UTP15: variants seen among roughly 807,000 people sequenced by gnomAD.
UTP15 encodes U3 small nucleolar RNA-associated protein 15 homolog.
A neutral mutation model predicts 59.1 loss-of-function variants in UTP15; 5 were observed. That is an observed-to-expected ratio of 0.08 (90% CI 0.04 to 0.18). The LOEUF (loss-of-function observed/expected upper bound fraction) is 0.18. Ranked by LOEUF, UTP15 falls within the 10% of genes least tolerant of loss-of-function variation. The probability of loss-of-function intolerance (pLI) is 1.00; values close to 1 mark genes in which losing one functional copy is unlikely to be tolerated. For synonymous variants in UTP15, 211 were observed against 212.2 expected (o/e 0.99, Z 0.05); for missense variants, 494 against 616.7 (o/e 0.80, Z 2.11).
At chr5:73,573,945 T>C (rs1163340982) in intron 7 of UTP15, among the ~76,000 whole-genome samples, 2 of 152,050 alleles carry the variant, frequency 1.3e-5, no homozygotes, top group Non-Finnish European at 2.9e-5. Flanking sequence ...ACATATAAAA[T>C]ATAATTTCAG....
At chr5:73,567,938 A>T (rs1463087525) in intron 2 of UTP15, among the ~76,000 whole-genome samples, 1 of 152,194 alleles carries the variant, frequency 6.6e-6, no homozygotes, top group African/African-American at 2.4e-5. Flanking sequence ...GTACGTGGTT[A>T]TTGTATGCTG....
chr5:73,580,088 A>G lies in UTP15; in HGVS notation c.1551A>G (p.Glu517=), dbSNP rs749346008. 1 of 1,612,724 alleles carries G rather than the reference A, an allele frequency of 6.2e-7. No individual in the cohort carries two copies. Among genetic ancestry groups the G allele is most frequent in the African/African-American group, 1.3e-5 (1 of 74,976 alleles). The change falls in exon 13 of 13, where the codon GAA becomes GAG. Residue 517 remains glutamate, a synonymous_variant. Coordinates refer to ENST00000296792, the MANE Select transcript of UTP15 (RefSeq NM_032175.4). The part of the protein sequence containing the change: ...SDGFPENKKI[E]S ...GATTTCCAGAGAATAAGAAGATAGA[A>G]TCATAGTGTCTGCTAAATAAGACAT...
At chr5:73,566,977 T>G (rs1250842913) in intron 1 of UTP15, among the ~76,000 whole-genome samples, 1 of 152,224 alleles carries the variant, frequency 6.6e-6, no homozygotes, top group African/African-American at 2.4e-5. Context: ...AGCATGATCC[T>G]TTTTGGTTTG....
In UTP15 at chr5:73,568,517, T is replaced by C; in HGVS notation, c.281T>C (p.Leu94Ser). The C allele has an allele frequency of 6.2e-7, 1 of 1,614,152 alleles. No individual in the cohort carries two copies. The highest frequency in any genetic ancestry group is 8.5e-7 in the Non-Finnish European group (1 of 1,179,992). Residue 94 changes from leucine (L) to serine (S), a missense_variant, in exon 4 of 13, where the codon TTG becomes TCG. Physicochemically the swap from Leu to Ser is moderately radical, Grantham distance 145 (BLOSUM62 -2). Transcript: ENST00000296792. Reference sequence around the variant, plus strand: ...GCTACTTTTCGACAAGATGGTAGATTGCTTGTGGCTGGCAGTGAAGATGGT... The same window carrying C: ...GCTACTTTTCGACAAGATGGTAGATCGCTTGTGGCTGGCAGTGAAGATGGT... ...YCATFRQDGR[L>S]LVAGSEDGGV... is the part of the protein sequence containing the mutation.
rs1223250851 is a variant in UTP15, at chr5:73,578,767, A to G, written c.1061A>G (p.Asn354Ser). ...TCATTGCAGGATGACATTTTGATTA[A>G]CAGGCCAGCAAAGAAGCACCTAGAA... ...YMKQRDDILI[N>S]RPAKKHLELY... The change falls in exon 10 of 13, where the codon AAC becomes AGC. Residue 354 changes from asparagine (N) to serine (S), a missense_variant. By Grantham distance (46) the Asn-to-Ser change is conservative. Transcript: ENST00000296792. The G allele has an allele frequency of 1.2e-6, 2 of 1,613,846 alleles. No homozygotes were observed. Among genetic ancestry groups the G allele is most frequent in the Non-Finnish European group, 1.7e-6 (2 of 1,179,774 alleles).
intron 4 of UTP15, among the ~76,000 whole-genome samples, 171 bp from the exon 5 acceptor site, chr5:73,569,326 T>A (rs1747868799): frequency 6.6e-6 from 1 of 152,192 alleles, no homozygotes; most frequent in South Asian, 2.1e-4. Context: ...CTTAATTGGT[T>A]TGGGGGCAAA....
intron 1 of UTP15, among the ~76,000 whole-genome samples, chr5:73,566,364 C>G: frequency 6.6e-6 from 1 of 152,316 alleles, no homozygotes; most frequent in East Asian, 1.9e-4. Flanking sequence ...AGGCACAGAC[C>G]ATGTCTTTAT....
Position 73,569,657 on chromosome 5 carries a change from C to T in UTP15, c.529C>T (p.Pro177Ser), listed in dbSNP as rs1394156971. 6.2e-7 allele frequency: 1 copy of T among 1,609,428 alleles called. No homozygotes were observed. The highest frequency in any genetic ancestry group is 2.2e-5 in the East Asian group (1 of 44,586). ...GTGTGGATGTGCTAGCAAACTTAAT[C>T]CGGATCTCTTTATAACAGGTTGGTG... ...VRCGCASKLN[P>S]DLFITGSYDH... Residue 177 changes from proline (P) to serine (S), a missense_variant, in exon 5 of 13, where the codon CCG becomes TCG. Physicochemically the swap from Pro to Ser is moderately conservative, Grantham distance 74. Coordinates refer to ENST00000296792, the MANE Select transcript of UTP15 (RefSeq NM_032175.4).
In UTP15 at chr5:73,568,453, A is replaced by G. The variant is rs1561275360; in HGVS notation, c.217A>G (p.Ile73Val). The change falls in exon 4 of 13, where the codon ATA (isoleucine) becomes GTA (valine). Residue 73 changes from isoleucine to valine, a missense_variant. Transcript: ENST00000296792. ...HIYGRYSQEP[I>V]KTFSRFKDTA... is the part of the protein sequence containing the mutation. ...TTATGGCCGATACTCCCAAGAACCT[A>G]TAAAAACCTTTTCTCGATTTAAAGA... 1.2e-6 allele frequency: 2 copies of G among 1,613,468 alleles called. No homozygotes were observed. The highest frequency in any genetic ancestry group is 1.7e-6 in the Non-Finnish European group (2 of 1,179,738).
intron 2 of UTP15, 145 bp from the exon 3 acceptor site, chr5:73,568,090 T>C (rs925349121): frequency 1.7e-6 from 1 of 598,280 alleles, no homozygotes; most frequent in African/African-American, 1.9e-5. Flanking sequence ...TATGTACCTT[T>C]TTTGCTTTCT....
intron 9 of UTP15, 119 bp downstream of exon 9, chr5:73,578,124 A>G (rs980791099): frequency 2.6e-5 from 27 of 1,038,332 alleles, no homozygotes; most frequent in Non-Finnish European, 3.1e-5. Flanking sequence ...TTTTCTCTAC[A>G]TCAGAATTAT....
In UTP15 at chr5:73,583,331, A is replaced by C. The variant is rs1748376897; in HGVS notation, c.*3237A>C. On this transcript the variant is annotated 3_prime_UTR_variant, in exon 13 of 13. Coordinates refer to ENST00000296792, the MANE Select transcript of UTP15 (RefSeq NM_032175.4). ...TTTGTAGAGAATGAACAAGAATGAA[A>C]CCTAAGTGCAAAGAAAATAAAGATT... is the stretch of plus-strand genomic sequence containing the variant. The C allele has an allele frequency of 6.6e-6, 1 of 152,178 alleles. No homozygotes were observed. The highest frequency in any genetic ancestry group is 2.4e-5 in the African/African-American group (1 of 41,442). The allele number at this position is 152,178 out of a possible 1,614,324, so 9.4% of individuals were successfully genotyped here. A position where few individuals can be genotyped will look rare whatever the true frequency, so the allele number is the denominator to read the frequency against.
intron 6 of UTP15, 119 bp downstream of exon 6, chr5:73,570,830 A>T (rs1747910997): frequency 7.2e-7 from 1 of 1,398,002 alleles, no homozygotes; most frequent in African/African-American, 1.4e-5. Context: ...GTCTTTGTTC[A>T]AACAGTTGAT....
chr5:73,570,543 G>A (rs768460403), intron 5 of UTP15, 43 bp from the exon 6 acceptor site: 1 of 1,600,596 alleles, frequency 6.2e-7, no homozygotes, highest in South Asian at 1.1e-5. Context: ...AGTTTTTGTT[G>A]TTTTAAACAG....
Position 73,579,018 on chromosome 5 carries a change from C to T in UTP15, c.1148C>T (p.Pro383Leu). The T allele has an allele frequency of 1.2e-6, 2 of 1,606,254 alleles. No individual in the cohort carries two copies. Among genetic ancestry groups the T allele is most frequent in the Non-Finnish European group, 1.7e-6 (2 of 1,175,300 alleles). The change falls in exon 11 of 13, where the codon CCC becomes CTC. Residue 383 changes from proline to leucine, a missense_variant and splice_region_variant. Physicochemically the swap from Pro to Leu is moderately conservative, Grantham distance 98 (BLOSUM62 -3). Coordinates refer to ENST00000296792, the MANE Select transcript of UTP15 (RefSeq NM_032175.4). ...ISKALDRVLD[P>L]TCTIKTPEIT... is the part of the protein sequence containing the mutation. The stretch of plus-strand genomic sequence containing the variant: ...TGTTGACTTTGAAAATTTTTCTAGC[C>T]CACTTGTACAATAAAGACACCCGAG...
intron 7 of UTP15, among the ~76,000 whole-genome samples, chr5:73,574,173 A>C (rs534229155): frequency 2.6e-4 from 39 of 151,986 alleles, no homozygotes; most frequent in African/African-American, 8.9e-4. Context: ...AAATTAAAAA[A>C]ATTAGCTGGC....
chr5:73,576,060 TGACAGTGGCTCA>T (rs1748080498), intron 7 of UTP15, among the ~76,000 whole-genome samples: 1 of 151,558 alleles, frequency 6.6e-6, no homozygotes, highest in South Asian at 2.1e-4. Flanking sequence ...GATCTTCAGA[TGACAGTGGCTCA>T]TGGTCTGTCC....
intron 4 of UTP15, 90 bp downstream of exon 4, chr5:73,568,694 G>A: frequency 8.0e-7 from 1 of 1,254,880 alleles, no homozygotes; most frequent in Non-Finnish European, 1.1e-6. Flanking sequence ...ATAGAGATCA[G>A]TTTTATGGAG....
At position 73,580,632 on chromosome 5, in the gene UTP15, G is replaced by C. The variant is rs1748274506; in HGVS notation, c.*538G>C. On this transcript the variant is annotated 3_prime_UTR_variant, in exon 13 of 13. Coordinates refer to ENST00000296792, the MANE Select transcript of UTP15 (RefSeq NM_032175.4). Reference sequence around the variant, plus strand: ...GTCTTAGATCACATGCCCTGCTTCAGCTGGTAATGGGACTGCATCGGTTCC... The same window carrying C: ...GTCTTAGATCACATGCCCTGCTTCACCTGGTAATGGGACTGCATCGGTTCC... 1 of 152,474 alleles carries C rather than the reference G, an allele frequency of 6.6e-6. No homozygotes were observed. Among genetic ancestry groups the C allele is most frequent in the Admixed American group, 6.5e-5 (1 of 15,284 alleles). The allele number at this position is 152,474 out of a possible 1,614,324, so 9.4% of individuals were successfully genotyped here.
Sources: gnomAD v4.1 joint callset for allele counts (sites outside exome capture counted in the v4.1 genomes callset) on GRCh38, gnomAD v4.1.1 for gene constraint, MANE v1.5 for transcripts, NCBI Gene and HGNC (gene_info 2026-07-23, HGNC 2026-07-21) for gene names.